ZNF688: variants seen among roughly 807,000 people sequenced by gnomAD.
ZNF688 encodes the protein zinc finger protein 688.
Under a neutral mutation model 13.2 loss-of-function variants are expected in ZNF688, and 10 were observed. The ratio of observed to expected loss-of-function variants is 0.76; its 90% CI spans 0.47 to 1.28. The LOEUF (loss-of-function observed/expected upper bound fraction) is 1.28, where lower values mean the gene tolerates loss of function less well. Ranked by LOEUF, ZNF688 falls within the 50% of genes most tolerant of loss-of-function variation. ZNF688 has a pLI of 0.00. For missense variants in ZNF688, 381 were observed against 391.4 expected (o/e 0.97, Z 0.22); for synonymous variants, 160 against 159.4 (o/e 1.00, Z -0.03).
chr16:30,576,953 A>G (rs557431497), upstream of ZNF688, among the ~76,000 whole-genome samples: 3 of 152,000 alleles, frequency 2.0e-5, no homozygotes, highest in South Asian at 6.2e-4. Flanking sequence ...TTTTGTAGAG[A>G]TGGGGTCTCT....
At chr16:30,578,977 G>A in the ZNF688 span, 1 of 151,452 alleles carries the variant, frequency 6.6e-6, no homozygotes, top group South Asian at 2.1e-4. Flanking sequence ...ATTTTTAGTA[G>A]AAATGAGGTC....
At chr16:30,572,395 A>C (rs1464109736), upstream of ZNF688, 2 of 1,174,546 alleles carry the variant, frequency 1.7e-6, no homozygotes, top group Non-Finnish European at 2.2e-6. Context: ...CCATGTGTAC[A>C]CCCGCGGTAG....
chr16:30,571,793 C>T (rs1322410985), upstream of ZNF688: 2 of 1,318,704 alleles, frequency 1.5e-6, no homozygotes, highest in East Asian at 3.1e-5. Flanking sequence ...GCTAGGGATT[C>T]GAGGATTCTG....
chr16:30,575,602 G>A (rs989195117), upstream of ZNF688, among the ~76,000 whole-genome samples: 1 of 151,704 alleles, frequency 6.6e-6, no homozygotes, highest in Admixed American at 6.6e-5. Context: ...TTTCAGTAGT[G>A]GCTGTACTAA....
In ZNF688 at chr16:30,571,100, G is replaced by A. The variant is rs1395923691; in HGVS notation, c.220C>T (p.Leu74Phe). ...CTCTCCTGTTCCATCCAAGAGATGA[G>A]GGCTGGTTTGGGGCCTGGGAATCCT... ...ALGFPGPKPA[L>F]ISWMEQESEA... The change falls in exon 2 of 3, where the codon CTC (leucine) becomes TTC (phenylalanine). Residue 74 changes from leucine (L) to phenylalanine (F), a missense_variant. Leu to Phe is a conservative substitution (Grantham distance 22, BLOSUM62 0). Coordinates refer to ENST00000223459, the MANE Select transcript of ZNF688 (RefSeq NM_145271.4). 5 of 1,588,042 alleles carry A rather than the reference G, an allele frequency of 3.1e-6. No homozygotes were observed. The highest frequency in any genetic ancestry group is 1.1e-5 in the South Asian group (1 of 89,208).
chr16:30,572,537 T>A, upstream of ZNF688: 1 of 389,224 alleles, frequency 2.6e-6, no homozygotes, highest in Non-Finnish European at 4.6e-6. Flanking sequence ...GGAATCGGAA[T>A]GGGGAAGTTT....
upstream of ZNF688, among the ~76,000 whole-genome samples, chr16:30,576,889 C>G (rs60584290): frequency 0.05 from 7,646 of 152,092 alleles, 601 homozygotes; most frequent in African/African-American, 0.17. Context: ...CCCACCTCAG[C>G]CTTCAAGTCG....
upstream of ZNF688, chr16:30,573,960 A>C: frequency 3.3e-6 from 1 of 305,256 alleles, no homozygotes; most frequent in Non-Finnish European, 6.4e-6. Flanking sequence ...AAAATATTTA[A>C]TTTAGGCCCA....
At chr16:30,577,443 G>A (rs2051757906), upstream of ZNF688, among the ~76,000 whole-genome samples, 2 of 150,606 alleles carry the variant, frequency 1.3e-5, no homozygotes, top group East Asian at 2.0e-4. Flanking sequence ...GCAGTAGTGG[G>A]ATCTTGGCTC....
chr16:30,577,085 C>T (rs932225417), upstream of ZNF688, among the ~76,000 whole-genome samples: 1 of 152,192 alleles, frequency 6.6e-6, no homozygotes, highest in Admixed American at 6.5e-5. Flanking sequence ...CATTTTGAAA[C>T]AGAGTCTCAC....
At chr16:30,571,349 G>A (rs757857193) in intron 1 of ZNF688, 85 bp downstream of exon 1, 2 of 1,534,416 alleles carry the variant, frequency 1.3e-6, no homozygotes, top group South Asian at 1.2e-5. Context: ...TGCGGGATTA[G>A]GGCTCACAGT....
Position 30,570,560 on chromosome 16 carries a change from A to G in ZNF688, c.311-124T>C, listed in dbSNP as rs560953845. 6 of 1,208,864 alleles carry G rather than the reference A, an allele frequency of 5.0e-6. No individual in the cohort carries two copies. The Admixed American group carries it at 1.3e-4, about 26-fold the overall frequency. The allele number at this position is 1,208,864 out of a possible 1,614,324, so 74.9% of individuals were successfully genotyped here. A position where few individuals can be genotyped will look rare whatever the true frequency, so the allele number is the denominator to read the frequency against. On this transcript the variant is annotated intron_variant, in intron 2 of 2. Coordinates refer to ENST00000223459, the MANE Select transcript of ZNF688 (RefSeq NM_145271.4). ...CCAGTGATTAACACACAGGCTTTAGAACAAGGTAAACAGGATTCAGATCTC... is the reference window on the plus strand; with the variant it reads ...CCAGTGATTAACACACAGGCTTTAGGACAAGGTAAACAGGATTCAGATCTC...
upstream of ZNF688, chr16:30,572,393 A>G: frequency 8.4e-7 from 1 of 1,193,468 alleles, no homozygotes; most frequent in Non-Finnish European, 1.1e-6. Context: ...AACCATGTGT[A>G]CACCCGCGGT....
In ZNF688 at chr16:30,571,121, A is replaced by G. The variant is rs2151231268; in HGVS notation, c.199T>C (p.Phe67Leu). ...ATGAGGGCTGGTTTGGGGCCTGGGA[A>G]TCCTGGGAGAGAACAGGGATCACAG... ...ETYGHLGALG[F>L]PGPKPALISW... The change falls in exon 2 of 3, where the codon TTC (phenylalanine) becomes CTC (leucine). Residue 67 changes from phenylalanine to leucine, a missense_variant and splice_region_variant. Transcript: ENST00000223459. The G allele has an allele frequency of 6.4e-7, 1 of 1,574,042 alleles. No individual in the cohort carries two copies. Among genetic ancestry groups the G allele is most frequent in the East Asian group, 2.3e-5 (1 of 44,382 alleles).
At position 30,570,004 on chromosome 16, in the gene ZNF688, C is replaced by T; in HGVS notation, c.743G>A (p.Arg248Gln). 3 of 1,610,820 alleles carry T rather than the reference C, an allele frequency of 1.9e-6. No homozygotes were observed. Among genetic ancestry groups the T allele is most frequent in the Non-Finnish European group, 2.5e-6 (3 of 1,179,222 alleles). ...GGRRGRRPGI[R>Q]AVPRAPVRGD... ...TCGGACGGGGGCCCGAGGCACAGCCCGGATCCCAGGCCTCCGGCCCCGCCG... is the reference window on the plus strand; with the variant it reads ...TCGGACGGGGGCCCGAGGCACAGCCTGGATCCCAGGCCTCCGGCCCCGCCG... The change falls in exon 3 of 3, where the codon CGG becomes CAG. Residue 248 changes from arginine to glutamine, a missense_variant. Physicochemically the swap from Arg to Gln is conservative, Grantham distance 43. Coordinates refer to ENST00000223459, the MANE Select transcript of ZNF688 (RefSeq NM_145271.4).
At chr16:30,576,199 C>A (rs760216961), upstream of ZNF688, among the ~76,000 whole-genome samples, 26 of 152,136 alleles carry the variant, frequency 1.7e-4, no homozygotes, top group Non-Finnish European at 2.8e-4. Context: ...ATACGTGCAC[C>A]ACCATGCCCA....
chr16:30,579,131 A>C, the ZNF688 span: 2 of 152,188 alleles, frequency 1.3e-5, no homozygotes, highest in African/African-American at 4.8e-5. Flanking sequence ...CTGTATGCTG[A>C]AGTGTTTAGA....
At chr16:30,571,393 A>C (rs2051679159) in intron 1 of ZNF688, 41 bp downstream of exon 1, 1 of 1,544,360 alleles carries the variant, frequency 6.5e-7, no homozygotes, top group African/African-American at 1.4e-5. Flanking sequence ...TCCCCTGTGA[A>C]CCCGGTGAAG....
At chr16:30,570,598 T>C (rs1335248159) in intron 2 of ZNF688, 162 bp from the exon 3 acceptor site, 1 of 847,252 alleles carries the variant, frequency 1.2e-6, no homozygotes, top group Non-Finnish European at 1.8e-6. Context: ...AAAAGTGCCT[T>C]ATCTGAGCCT....
Sources: allele counts gnomAD v4.1 joint callset (sites outside exome capture counted in the v4.1 genomes callset), GRCh38; gene constraint gnomAD v4.1.1; transcripts MANE v1.5; gene names NCBI Gene and HGNC (gene_info 2026-07-23, HGNC 2026-07-21).